ARHGAP42: variants seen among roughly 807,000 people sequenced by gnomAD.
ARHGAP42 encodes the protein Rho GTPase activating protein 42, also known as rho GTPase-activating protein 42.
In ARHGAP42, 63 loss-of-function variants were observed where a neutral mutation model predicts 125.0. The observed-to-expected ratio is 0.50, with a 90% confidence interval of 0.41 to 0.62. The LOEUF is 0.62. Among genes scored for constraint, ARHGAP42 ranks in the 20% least tolerant of loss-of-function variants. The pLI is 0.00. For synonymous variants in ARHGAP42, 339 were observed against 351.0 expected, an observed-to-expected ratio of 0.97 and a Z score of 0.38; for missense variants, 766 against 1,024.2, an observed-to-expected ratio of 0.75 and a Z score of 3.44.
At chr11:100,860,071 T>C (rs1211474338) in intron 4 of ARHGAP42, among the ~76,000 whole-genome samples, 1 of 152,162 alleles carries the variant, frequency 6.6e-6, no homozygotes, top group Non-Finnish European at 1.5e-5. Context: ...TAATGTTTAA[T>C]TGACTATGGA....
intron 3 of ARHGAP42, among the ~76,000 whole-genome samples, chr11:100,800,484 TTTTATG>T (rs1863824794): frequency 6.6e-6 from 1 of 152,088 alleles, no homozygotes; most frequent in Non-Finnish European, 1.5e-5. Flanking sequence ...GATTTGGATG[TTTTATG>T]GACAGGATCT....
chr11:100,859,395 T>C (rs1865392028), intron 3 of ARHGAP42, 159 bp from the exon 4 acceptor site: 1 of 498,608 alleles, frequency 2.0e-6, no homozygotes, highest in African/African-American at 2.0e-5. Context: ...ACAGCTTAAT[T>C]ATATAGTAGA....
chr11:100,881,835 T>TTGTC (rs1376255753), intron 4 of ARHGAP42, among the ~76,000 whole-genome samples: 4 of 131,176 alleles, frequency 3.0e-5, no homozygotes, highest in African/African-American at 1.0e-4. Flanking sequence ...TAGTTTTTGT[T>TTGTC]TGTTTGTTTG....
At chr11:100,855,553 T>A (rs989787949) in intron 3 of ARHGAP42, among the ~76,000 whole-genome samples, 1 of 152,078 alleles carries the variant, frequency 6.6e-6, no homozygotes, top group African/African-American at 2.4e-5. Flanking sequence ...TTATAATTCA[T>A]GATTATGTGG....
intron 3 of ARHGAP42, among the ~76,000 whole-genome samples, chr11:100,833,607 C>T (rs58873744): frequency 0.017 from 2,642 of 152,272 alleles, 76 homozygotes; most frequent in African/African-American, 0.061. Flanking sequence ...TTTCTTACTG[C>T]ATGTGATCTC....
In ARHGAP42 at chr11:100,976,981, C is replaced by T. The variant is rs1422270835; in HGVS notation, c.2393+10C>T. ...AGCGGCCTGGCTCAGTGTAAGTGAGCGTTTGTATATTTGCTGTGTCTCCCA... is the reference window on the plus strand; with the variant it reads ...AGCGGCCTGGCTCAGTGTAAGTGAGTGTTTGTATATTTGCTGTGTCTCCCA... On this transcript the variant is annotated intron_variant, in intron 21 of 23. Transcript: ENST00000298815. The T allele has an allele frequency of 1.7e-5, 26 of 1,550,682 alleles. No individual in the cohort carries two copies. The East Asian group carries it at 3.9e-4, about 23-fold the overall frequency.
intron 6 of ARHGAP42, among the ~76,000 whole-genome samples, chr11:100,930,870 A>G (rs1010554493): frequency 2.6e-5 from 4 of 152,180 alleles, no homozygotes; most frequent in Admixed American, 6.5e-5. Flanking sequence ...CATGAAGCGC[A>G]CCCAGCATCT....
At chr11:100,891,750 T>C (rs1866224928) in intron 4 of ARHGAP42, among the ~76,000 whole-genome samples, 1 of 152,164 alleles carries the variant, frequency 6.6e-6, no homozygotes, top group African/African-American at 2.4e-5. Flanking sequence ...GCCAAAAGCA[T>C]CAACTATTGA....
intron 4 of ARHGAP42, among the ~76,000 whole-genome samples, chr11:100,884,897 A>AG (rs1866050611): frequency 6.6e-6 from 1 of 152,162 alleles, no homozygotes; most frequent in South Asian, 2.1e-4. Context: ...CATTTGGGTG[A>AG]GGGTCCTTGC....
chr11:100,762,140 G>T (rs1862716508), intron 1 of ARHGAP42, among the ~76,000 whole-genome samples: 1 of 152,192 alleles, frequency 6.6e-6, no homozygotes, highest in Non-Finnish European at 1.5e-5. Context: ...TAATATGCCT[G>T]CCAGAAGGGT....
chr11:100,895,624 GAGA>G (rs1279625564), intron 4 of ARHGAP42, among the ~76,000 whole-genome samples: 1 of 151,760 alleles, frequency 6.6e-6, no homozygotes, highest in African/African-American at 2.4e-5. Context: ...AATGCTGAAG[GAGA>G]AGGAGTGCCA....
At chr11:100,947,423 C>A (rs1013760820) in intron 10 of ARHGAP42, among the ~76,000 whole-genome samples, 4 of 151,852 alleles carry the variant, frequency 2.6e-5, no homozygotes, top group Non-Finnish European at 5.9e-5. Flanking sequence ...GGTTATATAA[C>A]CTTGGAGCAC....
intron 10 of ARHGAP42, among the ~76,000 whole-genome samples, chr11:100,945,335 A>AT (rs35776219): frequency 0.88 from 134,075 of 151,996 alleles, 59,227 homozygotes; most frequent in East Asian, 1. Context: ...GTTGGAATCA[A>AT]TTCTTTCAAA....
At chr11:100,898,462 A>C (rs1014307566) in intron 4 of ARHGAP42, among the ~76,000 whole-genome samples, 3 of 152,104 alleles carry the variant, frequency 2.0e-5, no homozygotes, top group Non-Finnish European at 4.4e-5. Flanking sequence ...CTATGAATCT[A>C]TCTGGTCCTG....
chr11:100,692,851 G>C (rs573256728), intron 1 of ARHGAP42, among the ~76,000 whole-genome samples: 1 of 152,280 alleles, frequency 6.6e-6, no homozygotes, highest in Non-Finnish European at 1.5e-5. Context: ...CAAATAACAG[G>C]TGGAAACACC....
intron 1 of ARHGAP42, among the ~76,000 whole-genome samples, chr11:100,697,166 T>G (rs1861298351): frequency 6.7e-6 from 1 of 149,842 alleles, no homozygotes; most frequent in African/African-American, 2.5e-5. Flanking sequence ...TGGAATTTCT[T>G]TTTTTGTTGT....
chr11:100,793,203 C>A (rs1307084804), intron 2 of ARHGAP42, among the ~76,000 whole-genome samples: 1 of 152,146 alleles, frequency 6.6e-6, no homozygotes, highest in Non-Finnish European at 1.5e-5. Flanking sequence ...CAACCAACAG[C>A]TTCAGTGGCA....
intron 6 of ARHGAP42, among the ~76,000 whole-genome samples, chr11:100,929,707 C>A (rs1867523294): frequency 1.3e-5 from 2 of 152,254 alleles, no homozygotes; most frequent in East Asian, 1.9e-4. Context: ...TATTTTCTTT[C>A]AAGAAATGCC....
intron 1 of ARHGAP42, among the ~76,000 whole-genome samples, chr11:100,744,216 G>A (rs1028554923): frequency 8.5e-5 from 13 of 152,230 alleles, no homozygotes; most frequent in African/African-American, 2.4e-4. Flanking sequence ...TGATCCACCC[G>A]CCTCAGCCTC....
Sources: allele counts gnomAD v4.1 joint callset (sites outside exome capture counted in the v4.1 genomes callset), GRCh38; gene constraint gnomAD v4.1.1; transcripts MANE v1.5; gene names NCBI Gene and HGNC (gene_info 2026-07-23, HGNC 2026-07-21).